ZNF704: variants seen among roughly 807,000 people sequenced by gnomAD.
The protein encoded by ZNF704 is zinc finger protein 704.
ZNF704 carries 10 observed loss-of-function variants against 44.7 expected under a neutral mutation model. The observed-to-expected ratio is 0.22, with a 90% CI of 0.14 to 0.38. The LOEUF is 0.38. Ranked by LOEUF, ZNF704 falls within the 10% of genes least tolerant of loss-of-function variation. The pLI is 1.00. For synonymous variants in ZNF704, 211 were observed against 207.6 expected, an observed-to-expected ratio of 1.02 and a Z score of -0.14; for missense variants, 390 against 545.5, an observed-to-expected ratio of 0.71 and a Z score of 2.84.
chr8:80,762,573 A>T (rs960474178), intron 2 of ZNF704, among the ~76,000 whole-genome samples: 3 of 152,138 alleles, frequency 2.0e-5, no homozygotes, highest in African/African-American at 7.2e-5. Flanking sequence ...ACATGTGGGG[A>T]TTACAGGTCC....
chr8:80,827,892 C>G (rs1217639469), intron 1 of ZNF704, among the ~76,000 whole-genome samples: 1 of 152,166 alleles, frequency 6.6e-6, no homozygotes, highest in Non-Finnish European at 1.5e-5. Context: ...AAACTGGATC[C>G]CTTCCTTACA....
intron 2 of ZNF704, among the ~76,000 whole-genome samples, chr8:80,809,723 C>T (rs946928053): frequency 6.6e-6 from 1 of 152,182 alleles, no homozygotes; most frequent in Non-Finnish European, 1.5e-5. Context: ...TATGGTTTGA[C>T]TAAGTCTACA....
rs1344857295 is a variant in ZNF704, at chr8:80,664,022, T to A, written c.927+793A>T. On this transcript the variant is annotated intron_variant, in intron 6 of 8. Transcript: ENST00000327835. ...CTGGGATTACAGGTGTGAGCCACTG[T>A]GCCCGGCCTTATTTTTTTTTTAAAC... Among the ~76,000 whole-genome samples, 7 of 152,156 alleles carry A rather than the reference T, an allele frequency of 4.6e-5. 1 individual carries two copies. The highest frequency in any genetic ancestry group is 1.4e-4 in the African/African-American group (6 of 41,534).
chr8:80,728,669 A>T (rs1429916423), intron 2 of ZNF704, among the ~76,000 whole-genome samples: 1 of 152,194 alleles, frequency 6.6e-6, no homozygotes, highest in African/African-American at 2.4e-5. Context: ...GCACAGAGTA[A>T]TTGGGTCTGG....
chr8:80,821,074 T>C (rs1207917356), intron 2 of ZNF704, among the ~76,000 whole-genome samples: 1 of 152,260 alleles, frequency 6.6e-6, no homozygotes, highest in Admixed American at 6.5e-5. Flanking sequence ...CTCAGTCCTC[T>C]ATATGATGTT....
chr8:80,796,486 GAACA>G (rs1363940784), intron 2 of ZNF704, among the ~76,000 whole-genome samples: 1 of 152,106 alleles, frequency 6.6e-6, no homozygotes, highest in Admixed American at 6.5e-5. Flanking sequence ...CAACATGAGG[GAACA>G]AACATTCAAA....
At chr8:80,748,930 T>C (rs1806894187) in intron 2 of ZNF704, among the ~76,000 whole-genome samples, 1 of 152,186 alleles carries the variant, frequency 6.6e-6, no homozygotes, top group African/African-American at 2.4e-5. Context: ...ATTTAACAAA[T>C]ACTTATTTAG....
At chr8:80,674,815 G>C (rs1224632024) in intron 4 of ZNF704, among the ~76,000 whole-genome samples, 1 of 152,076 alleles carries the variant, frequency 6.6e-6, no homozygotes, top group Non-Finnish European at 1.5e-5. Flanking sequence ...AATGCTTCCT[G>C]CCCATTTTTC....
At chr8:80,678,911 G>A (rs560784095) in intron 4 of ZNF704, among the ~76,000 whole-genome samples, 79 of 152,108 alleles carry the variant, frequency 5.2e-4, no homozygotes, top group Non-Finnish European at 1.1e-3. Flanking sequence ...CTGGGAGGCA[G>A]GAGAGATTGG....
intron 2 of ZNF704, among the ~76,000 whole-genome samples, chr8:80,741,311 CGGGGCAAGACT>C (rs1806752428): frequency 6.6e-6 from 1 of 152,116 alleles, no homozygotes; most frequent in African/African-American, 2.4e-5. Flanking sequence ...AGCTTGCCAA[CGGGGCAAGACT>C]TTTCTTTATA....
At chr8:80,697,939 G>C (rs974256761) in intron 2 of ZNF704, among the ~76,000 whole-genome samples, 2 of 152,214 alleles carry the variant, frequency 1.3e-5, no homozygotes, top group Non-Finnish European at 2.9e-5. Flanking sequence ...CTGGCAACTG[G>C]CTCATGGAGA....
chr8:80,747,394 A>C (rs1806865130), intron 2 of ZNF704, among the ~76,000 whole-genome samples: 2 of 152,298 alleles, frequency 1.3e-5, no homozygotes, highest in South Asian at 4.1e-4. Context: ...GCAGTACAGG[A>C]AACGCTAGCT....
chr8:80,665,287 T>A (rs1818172624), intron 5 of ZNF704, among the ~76,000 whole-genome samples: 1 of 152,228 alleles, frequency 6.6e-6, no homozygotes, highest in African/African-American at 2.4e-5. Context: ...CATTAATTCA[T>A]TCACTCATTC....
chr8:80,718,174 T>C (rs979552787), intron 2 of ZNF704, among the ~76,000 whole-genome samples: 3 of 152,222 alleles, frequency 2.0e-5, no homozygotes, highest in African/African-American at 7.2e-5. Flanking sequence ...ACTCACTCTA[T>C]CTAGAATGTC....
chr8:80,829,764 C>T (rs867510592), intron 1 of ZNF704, among the ~76,000 whole-genome samples: 29 of 152,110 alleles, frequency 1.9e-4, no homozygotes, highest in Middle Eastern at 3.4e-3. Context: ...ATAATACTTT[C>T]TAAGTAAAAA....
At chr8:80,833,742 A>T (rs972664202) in intron 1 of ZNF704, among the ~76,000 whole-genome samples, 1 of 152,240 alleles carries the variant, frequency 6.6e-6, no homozygotes, top group Non-Finnish European at 1.5e-5. Flanking sequence ...TAACCACAAT[A>T]GGTCTGTTGC....
intron 1 of ZNF704, among the ~76,000 whole-genome samples, chr8:80,841,664 A>G (rs1290410700): frequency 2.0e-5 from 3 of 152,246 alleles, no homozygotes; most frequent in Non-Finnish European, 4.4e-5. Context: ...TAAACATATC[A>G]TTTAAGTAGA....
At chr8:80,709,089 T>C (rs1468936693) in intron 2 of ZNF704, among the ~76,000 whole-genome samples, 1 of 152,202 alleles carries the variant, frequency 6.6e-6, no homozygotes, top group Non-Finnish European at 1.5e-5. Context: ...GTTATTTCTA[T>C]GAAGGTTCAT....
At chr8:80,691,557 C>G (rs1585956900) in intron 3 of ZNF704, among the ~76,000 whole-genome samples, 1 of 152,220 alleles carries the variant, frequency 6.6e-6, no homozygotes. Context: ...CTGCCAATCC[C>G]TTGCATGATG....
Sources: allele counts gnomAD v4.1 joint callset (sites outside exome capture counted in the v4.1 genomes callset), GRCh38; gene constraint gnomAD v4.1.1; transcripts MANE v1.5; gene names NCBI Gene and HGNC (gene_info 2026-07-23, HGNC 2026-07-21).